The following SCAMP1 variants were observed in gnomAD, a reference collection of about 807,000 sequenced individuals.
SCAMP1 encodes secretory carrier-associated membrane protein 1.
A neutral mutation model predicts 41.8 loss-of-function variants in SCAMP1; 15 were observed. The ratio of observed to expected loss-of-function variants is 0.36; its 90% CI spans 0.24 to 0.55. SCAMP1 has a LOEUF of 0.55. Among genes scored for constraint, SCAMP1 ranks in the 20% least tolerant of loss-of-function variants. The pLI is 0.86. For synonymous variants in SCAMP1, 135 were observed against 136.8 expected, an observed-to-expected ratio of 0.99 and a Z score of 0.09; for missense variants, 341 against 412.6, an observed-to-expected ratio of 0.83 and a Z score of 1.50.
At chr5:78,387,411 G>T (rs1173701283) in intron 1 of SCAMP1, among the ~76,000 whole-genome samples, 2 of 143,224 alleles carry the variant, frequency 1.4e-5, no homozygotes, top group Non-Finnish European at 1.5e-5. Flanking sequence ...CCTTTCTCTG[G>T]TGCCTCCTTG....
At chr5:78,404,777 G>A (rs1751891683) in intron 2 of SCAMP1, among the ~76,000 whole-genome samples, 1 of 152,152 alleles carries the variant, frequency 6.6e-6, no homozygotes, top group South Asian at 2.1e-4. Context: ...AGAACAGAGT[G>A]CTCTGGTGTT....
chr5:78,453,095 A>C lies in SCAMP1; in HGVS notation c.734+3061A>C, dbSNP rs1033632989. ...AGATTCTGGATATTAGCCCTTTGTC[A>C]GACGAGTAGGTTGCGAAAATTTTCT... On this transcript the variant is annotated intron_variant, in intron 7 of 8. Coordinates refer to ENST00000621999, the MANE Select transcript of SCAMP1 (RefSeq NM_004866.6). Among the ~76,000 whole-genome samples, 822 of 149,964 alleles carry C rather than the reference A, an allele frequency of 5.5e-3. 34 individuals are homozygous for C. Among genetic ancestry groups the C allele is most frequent in the African/African-American group, 0.02 (778 of 39,672 alleles).
Position 78,479,931 on chromosome 5 carries a change from A to G in SCAMP1, c.*4263A>G, listed in dbSNP as rs1162932675. Among the ~76,000 whole-genome samples, 2 of 152,086 alleles carry G rather than the reference A, an allele frequency of 1.3e-5. No individual in the cohort carries two copies. The highest frequency in any genetic ancestry group is 2.9e-5 in the Non-Finnish European group (2 of 68,012). ...CATGGTGGCGGGCGCCTGTAGTCCC[A>G]GCTACTTGGGAGGCTGAGGCAGGAG... is the stretch of plus-strand genomic sequence containing the variant. On this transcript the variant is annotated 3_prime_UTR_variant, in exon 9 of 9. Transcript: ENST00000621999.
chr5:78,396,944 A>G (rs1751666515), intron 2 of SCAMP1, among the ~76,000 whole-genome samples: 1 of 152,244 alleles, frequency 6.6e-6, no homozygotes, highest in South Asian at 2.1e-4. Context: ...ATGCCTTACT[A>G]AAGTATCTTT....
intron 1 of SCAMP1, among the ~76,000 whole-genome samples, chr5:78,361,295 G>A (rs1165518916): frequency 6.6e-6 from 1 of 152,114 alleles, no homozygotes; most frequent in Non-Finnish European, 1.5e-5. Context: ...ACCACCAGTG[G>A]CGCTGCCATC....
intron 8 of SCAMP1, 45 bp downstream of exon 8, chr5:78,459,407 A>T (rs779350033): frequency 8.5e-6 from 8 of 937,674 alleles, no homozygotes; most frequent in Admixed American, 2.2e-5. Context: ...AACGTGATGT[A>T]AAGTTCTCAT....
intron 1 of SCAMP1, among the ~76,000 whole-genome samples, chr5:78,370,032 A>T (rs959579548): frequency 6.6e-6 from 1 of 152,250 alleles, no homozygotes; most frequent in South Asian, 2.1e-4. Context: ...ACTAGAAGGG[A>T]TGTGCCATGT....
At chr5:78,414,279 TTTATTA>T (rs1334938386) in intron 2 of SCAMP1, among the ~76,000 whole-genome samples, 1 of 151,624 alleles carries the variant, frequency 6.6e-6, no homozygotes, top group Non-Finnish European at 1.5e-5. Context: ...TAATTTTTAT[TTTATTA>T]TTATTATTAT....
intron 8 of SCAMP1, among the ~76,000 whole-genome samples, chr5:78,463,239 C>T (rs16875427): frequency 0.039 from 5,906 of 152,290 alleles, 411 homozygotes; most frequent in African/African-American, 0.13. Context: ...GCTTTCTACA[C>T]CACAGATGGC....
rs554275653 is a variant in SCAMP1, at chr5:78,473,731, G to C, written c.853-1773G>C. Among the ~76,000 whole-genome samples the C allele has an allele frequency of 2.3e-3, 349 of 152,062 alleles. 1 individual carries two copies. The highest frequency in any genetic ancestry group is 8.0e-3 in the African/African-American group (333 of 41,478). ...TTAAAAGTGAGAACATGTGATATTTGGTTTTCTGTTTCTGCATTAATTAGG... is the reference window on the plus strand; with the variant it reads ...TTAAAAGTGAGAACATGTGATATTTCGTTTTCTGTTTCTGCATTAATTAGG... On this transcript the variant is annotated intron_variant, in intron 8 of 8. Coordinates refer to ENST00000621999, the MANE Select transcript of SCAMP1 (RefSeq NM_004866.6).
Position 78,478,885 on chromosome 5 carries a change from A to G in SCAMP1, c.*3217A>G, listed in dbSNP as rs1049071520. ...AAAGCAAGTTTGGATTTTTACACCT[A>G]ATTTACTAGGAAAATATTTTATTCT... On this transcript the variant is annotated 3_prime_UTR_variant, in exon 9 of 9. Coordinates refer to ENST00000621999, the MANE Select transcript of SCAMP1 (RefSeq NM_004866.6). 4 of 152,182 alleles carry G rather than the reference A, an allele frequency of 2.6e-5. No homozygotes were observed. The highest frequency in any genetic ancestry group is 1.3e-4 in the Admixed American group (2 of 15,284). 9.4% of individuals were successfully genotyped at this position (152,182 alleles called of 1,614,324 possible).
intron 2 of SCAMP1, among the ~76,000 whole-genome samples, chr5:78,399,216 A>G (rs10452490): frequency 0.45 from 68,389 of 152,040 alleles, 16,192 homozygotes; most frequent in Non-Finnish European, 0.51. Context: ...AGCCATCCAC[A>G]AACTCAAGGA....
At chr5:78,427,996 T>A (rs1027092569) in intron 6 of SCAMP1, among the ~76,000 whole-genome samples, 3 of 152,192 alleles carry the variant, frequency 2.0e-5, no homozygotes, top group African/African-American at 7.2e-5. Context: ...TTTATCCCAG[T>A]GTGTGGCTTC....
rs1754097442 is a variant in SCAMP1 at position 78,479,897 on chromosome 5, T to A, written c.*4229T>A. Among the ~76,000 whole-genome samples, 1 of 150,880 alleles carries A rather than the reference T, an allele frequency of 6.6e-6. No homozygotes were observed. The highest frequency in any genetic ancestry group is 1.5e-5 in the Non-Finnish European group (1 of 67,882). On this transcript the variant is annotated 3_prime_UTR_variant, in exon 9 of 9. Coordinates refer to ENST00000621999, the MANE Select transcript of SCAMP1 (RefSeq NM_004866.6). ...CTCTACTAAAAATACAAAAAAAAAA[T>A]TAGCTGAGCATGGTGGCGGGCGCCT...
At chr5:78,464,512 C>T (rs573927102) in intron 8 of SCAMP1, among the ~76,000 whole-genome samples, 1 of 152,236 alleles carries the variant, frequency 6.6e-6, no homozygotes, top group African/African-American at 2.4e-5. Context: ...ATTCTTTTTA[C>T]AGGTTACTTA....
chr5:78,464,828 C>T (rs1561288819), intron 8 of SCAMP1, among the ~76,000 whole-genome samples: 1 of 152,162 alleles, frequency 6.6e-6, no homozygotes, highest in African/African-American at 2.4e-5. Context: ...CCATTTTGTC[C>T]TCTCGGAGAA....
intron 1 of SCAMP1, among the ~76,000 whole-genome samples, chr5:78,361,387 T>C (rs970240652): frequency 6.6e-6 from 1 of 152,184 alleles, no homozygotes; most frequent in African/African-American, 2.4e-5. Flanking sequence ...AAAACAATAG[T>C]GCACGTGGAC....
chr5:78,425,247 T>C (rs548085656), intron 6 of SCAMP1, among the ~76,000 whole-genome samples: 1 of 152,310 alleles, frequency 6.6e-6, no homozygotes, highest in South Asian at 2.1e-4. Flanking sequence ...ATGTATTTAA[T>C]GCATACCAAA....
chr5:78,462,377 T>C (rs1284305610), intron 8 of SCAMP1, among the ~76,000 whole-genome samples: 7 of 152,208 alleles, frequency 4.6e-5, no homozygotes, highest in Non-Finnish European at 1.5e-5. Flanking sequence ...TTGCCCAGGC[T>C]GGAGTGCAGT....
Sources: gnomAD v4.1 joint callset for allele counts (sites outside exome capture counted in the v4.1 genomes callset) on GRCh38, gnomAD v4.1.1 for gene constraint, MANE v1.5 for transcripts, NCBI Gene and HGNC (gene_info 2026-07-23, HGNC 2026-07-21) for gene names.